CFAP299: variants seen among roughly 807,000 people sequenced by gnomAD.
The protein encoded by CFAP299 is cilia- and flagella-associated protein 299.
CFAP299 carries 21 observed loss-of-function variants against 27.0 expected under a neutral mutation model. That is an observed-to-expected ratio of 0.78 (90% CI 0.55 to 1.12). The LOEUF (loss-of-function observed/expected upper bound fraction) is 1.12, where lower values mean the gene tolerates loss of function less well. Among genes scored for constraint, CFAP299 ranks in the 50% most tolerant of loss-of-function variants. CFAP299 has a pLI of 0.00. For synonymous variants in CFAP299, 104 were observed against 98.1 expected, an observed-to-expected ratio of 1.06 and a Z score of -0.36; for missense variants, 310 against 276.6, an observed-to-expected ratio of 1.12 and a Z score of -0.86.
chr4:80,460,229 A>G (rs534138323), intron 2 of CFAP299, among the ~76,000 whole-genome samples: 7 of 152,192 alleles, frequency 4.6e-5, no homozygotes, highest in South Asian at 2.1e-4. Context: ...AATCTTTCCT[A>G]TATCTGGACA....
At chr4:80,321,890 A>T in the CFAP299 span, among the ~76,000 whole-genome samples, 5 of 152,236 alleles carry the variant, frequency 3.3e-5, no homozygotes, top group African/African-American at 1.2e-4. Context: ...ACCCCCAAGA[A>T]AGAGGAGAAG....
At chr4:80,736,308 A>G (rs2110060009) in intron 3 of CFAP299, among the ~76,000 whole-genome samples, 1 of 152,252 alleles carries the variant, frequency 6.6e-6, no homozygotes, top group South Asian at 2.1e-4. Context: ...ATGGCTAGCC[A>G]GTTTTCCCAG....
rs187821902 is a variant in CFAP299 at position 80,540,853 on chromosome 4, C to T, written c.243-42240C>T. ...TTTATTTCTTATATCTTATAACAAA[C>T]CTTTGTAGTGATTAGCAGGAACTAT... On this transcript the variant is annotated intron_variant, in intron 2 of 5. Coordinates refer to ENST00000358105, the MANE Select transcript of CFAP299 (RefSeq NM_152770.3). 3.6e-4 allele frequency among the ~76,000 whole-genome samples: 55 copies of T among 152,230 alleles called. 1 individual carries two copies. Among genetic ancestry groups the T allele is most frequent in the African/African-American group, 1.2e-3 (50 of 41,536 alleles).
intron 2 of CFAP299, among the ~76,000 whole-genome samples, chr4:80,488,868 G>A (rs1025457752): frequency 6.6e-6 from 1 of 152,026 alleles, no homozygotes; most frequent in Non-Finnish European, 1.5e-5. Context: ...GGAGTTGGAT[G>A]GCAAAAAAAA....
At chr4:80,716,383 A>C (rs1363623782) in intron 3 of CFAP299, among the ~76,000 whole-genome samples, 2 of 148,968 alleles carry the variant, frequency 1.3e-5, no homozygotes, top group African/African-American at 4.9e-5. Flanking sequence ...GATATATTCT[A>C]TATATATATA....
chr4:80,684,263 C>T (rs1578014555), intron 3 of CFAP299, among the ~76,000 whole-genome samples: 1 of 72,980 alleles, frequency 1.4e-5, no homozygotes, highest in East Asian at 4.8e-4. Context: ...TCTAAGATGA[C>T]TTCTTTTTTT....
At chr4:80,398,806 A>G (rs1241292018) in intron 2 of CFAP299, among the ~76,000 whole-genome samples, 1 of 152,210 alleles carries the variant, frequency 6.6e-6, no homozygotes, top group Non-Finnish European at 1.5e-5. Flanking sequence ...TAAAACACCG[A>G]AAGCAATGAC....
At chr4:80,696,293 C>CAA (rs10602062) in intron 3 of CFAP299, among the ~76,000 whole-genome samples, 3 of 128,634 alleles carry the variant, frequency 2.3e-5, no homozygotes, top group Admixed American at 7.7e-5. Context: ...AGCTCCGTCT[C>CAA]AAAAAAAAAA....
chr4:80,890,477 G>C, intron 4 of CFAP299, among the ~76,000 whole-genome samples: 1 of 152,060 alleles, frequency 6.6e-6, no homozygotes. Context: ...AGAAATTGCA[G>C]AGATCCAAGT....
chr4:80,850,580 A>C (rs1731460824), intron 3 of CFAP299, among the ~76,000 whole-genome samples: 1 of 152,064 alleles, frequency 6.6e-6, no homozygotes, highest in Non-Finnish European at 1.5e-5. Context: ...CTTACACAAA[A>C]GGAATTATAT....
Position 80,603,551 on chromosome 4 carries a change from A to G in CFAP299, c.333+20368A>G, listed in dbSNP as rs116777852. 6.8e-3 allele frequency among the ~76,000 whole-genome samples: 1,032 copies of G among 152,298 alleles called. 13 individuals are homozygous for G. The highest frequency in any genetic ancestry group is 0.024 in the African/African-American group (991 of 41,570). On this transcript the variant is annotated intron_variant, in intron 3 of 5. Transcript: ENST00000358105. ...AGGAGCATTTTAGCAATATGTGACA[A>G]TAGGTAGAATAATATGTATATCCTT...
intron 2 of CFAP299, among the ~76,000 whole-genome samples, chr4:80,405,191 G>C (rs1018002362): frequency 6.6e-6 from 1 of 152,076 alleles, no homozygotes; most frequent in African/African-American, 2.4e-5. Context: ...CATACCAGAC[G>C]CTGGCCTGTT....
At chr4:80,668,158 A>AT (rs33953018) in intron 3 of CFAP299, among the ~76,000 whole-genome samples, 123,134 of 149,704 alleles carry the variant, frequency 0.82, 50,694 homozygotes, top group East Asian at 0.86. Context: ...TTTTAAATAA[A>AT]TTTTTTTTTT....
intron 3 of CFAP299, among the ~76,000 whole-genome samples, chr4:80,614,800 T>A (rs1358673272): frequency 1.3e-5 from 2 of 152,244 alleles, no homozygotes; most frequent in East Asian, 3.8e-4. Flanking sequence ...TGCTTACACA[T>A]GTTGTTTAAA....
At chr4:80,925,055 TAA>T (rs1282199978) in intron 4 of CFAP299, among the ~76,000 whole-genome samples, 2 of 151,938 alleles carry the variant, frequency 1.3e-5, no homozygotes, top group South Asian at 2.1e-4. Context: ...TCTCTTGACA[TAA>T]AGTTTTATTT....
At chr4:80,633,695 A>G (rs189953923) in intron 3 of CFAP299, among the ~76,000 whole-genome samples, 21 of 152,302 alleles carry the variant, frequency 1.4e-4, no homozygotes, top group Non-Finnish European at 2.5e-4. Flanking sequence ...TTTGCATCTA[A>G]TTAAGACTAC....
intron 3 of CFAP299, among the ~76,000 whole-genome samples, chr4:80,816,256 T>A (rs971150264): frequency 6.6e-6 from 1 of 152,088 alleles, no homozygotes; most frequent in Non-Finnish European, 1.5e-5. Context: ...ATGAGATTCT[T>A]CCAAATCTAG....
chr4:80,324,274 T>C, the CFAP299 span, among the ~76,000 whole-genome samples: 1 of 152,218 alleles, frequency 6.6e-6, no homozygotes, highest in African/African-American at 2.4e-5. Flanking sequence ...GACTATGTAT[T>C]CCACTGGGAA....
At chr4:80,519,106 T>C (rs1234835233) in intron 2 of CFAP299, among the ~76,000 whole-genome samples, 1 of 152,176 alleles carries the variant, frequency 6.6e-6, no homozygotes, top group Admixed American at 6.5e-5. Flanking sequence ...ATTCTACCTC[T>C]ACTGCCTAGC....
Sources: allele counts gnomAD v4.1 joint callset (sites outside exome capture counted in the v4.1 genomes callset), GRCh38; gene constraint gnomAD v4.1.1; transcripts MANE v1.5; gene names NCBI Gene and HGNC (gene_info 2026-07-23, HGNC 2026-07-21).